Variants in EPN3 observed in about 807,000 individuals in gnomAD.
The protein encoded by EPN3 is epsin 3.
A neutral mutation model predicts 55.5 loss-of-function variants in EPN3; 56 were observed. That is an observed-to-expected ratio of 1.01 (90% CI 0.81 to 1.26). EPN3 has a LOEUF of 1.26. Ranked by LOEUF, EPN3 falls within the 50% of genes most tolerant of loss-of-function variation. The probability of loss-of-function intolerance (pLI) is 0.00; values close to 1 mark genes in which losing one functional copy is unlikely to be tolerated. For missense variants in EPN3, 927 were observed against 853.4 expected (o/e 1.09, Z -1.07); for synonymous variants, 449 against 375.2 (o/e 1.20, Z -2.27).
In EPN3 at chr17:50,536,537, C is replaced by G. The variant is rs993821938; in HGVS notation, c.-20C>G. 9 of 1,613,046 alleles carry G rather than the reference C, an allele frequency of 5.6e-6. No individual in the cohort carries two copies. The African/African-American group carries it at 1.1e-4, about 19-fold the overall frequency. On this transcript the variant is annotated 5_prime_UTR_variant, in exon 2 of 10. Transcript: ENST00000268933. The stretch of plus-strand genomic sequence containing the variant: ...CACCTCCGGCGGGGGCGAGGGCCAC[C>G]CACCTCCAAGTCTCCAGCCATGACG...
chr17:50,537,078 G>C lies in EPN3; in HGVS notation c.522G>C (p.Glu174Asp). 1 of 1,611,078 alleles carries C rather than the reference G, an allele frequency of 6.2e-7. No individual in the cohort carries two copies. Among genetic ancestry groups the C allele is most frequent in the Non-Finnish European group, 8.5e-7 (1 of 1,179,496 alleles). Residue 174 changes from glutamate to aspartate, a missense_variant, in exon 2 of 10, where the codon GAG becomes GAC. Transcript: ENST00000268933. ...TGGGCTTCAGCCGCCGCTACGGCGA[G>C]GACTACAGCCGCTCCCGGGGCTCCC... is the stretch of plus-strand genomic sequence containing the variant. The part of the protein sequence containing the change: ...GQLGFSRRYG[E>D]DYSRSRGSPS...
rs1032645113 is a variant in EPN3, at chr17:50,542,454, T to C, written c.*297T>C. The C allele has an allele frequency of 2.8e-6, 1 of 361,446 alleles. No individual in the cohort carries two copies. The highest frequency in any genetic ancestry group is 5.0e-6 in the Non-Finnish European group (1 of 201,602). The allele number at this position is 361,446 out of a possible 1,614,324, so 22.4% of individuals were successfully genotyped here. On this transcript the variant is annotated 3_prime_UTR_variant, in exon 10 of 10. Coordinates refer to ENST00000268933, the MANE Select transcript of EPN3 (RefSeq NM_017957.3). ...CACCGGCTGTTTAGGAAACTGCAGC[T>C]GCACAACGTGGGGTGCAAAACTGCC...
In EPN3 at chr17:50,540,776, T is replaced by C; in HGVS notation, c.980-17T>C. The C allele has an allele frequency of 6.3e-7, 1 of 1,598,422 alleles. No individual in the cohort carries two copies. ...AAGGGTGGGCCTGGGATCATGTCTA[T>C]GCTGTTCCCATTTCAGGTTTTAGGC... is the stretch of plus-strand genomic sequence containing the variant. On this transcript the variant is annotated splice_polypyrimidine_tract_variant and intron_variant, in intron 6 of 9. Coordinates refer to ENST00000268933, the MANE Select transcript of EPN3 (RefSeq NM_017957.3).
Position 50,542,110 on chromosome 17 carries a change from G to A in EPN3, c.1852G>A (p.Gly618Arg), listed in dbSNP as rs755483203. 15 of 1,539,472 alleles carry A rather than the reference G, an allele frequency of 9.7e-6. No homozygotes were observed. The highest frequency in any genetic ancestry group is 1.1e-5 in the Non-Finnish European group (13 of 1,153,168). ...GCTGCTGCCCACGCCGAGCTCAGCC[G>A]GGCCGCGGCCCCCGCCCCCGCAGAC... is the stretch of plus-strand genomic sequence containing the variant. Reference protein sequence around the residue: ...QPLLPTPSSAGPRPPPPQTGT... With the variant: ...QPLLPTPSSARPRPPPPQTGT... Residue 618 changes from glycine to arginine, a missense_variant, in exon 10 of 10, where the codon GGG becomes AGG. Physicochemically the swap from Gly to Arg is moderately radical, Grantham distance 125. Transcript: ENST00000268933.
At chr17:50,541,356 G>A in intron 8 of EPN3, 23 bp downstream of exon 8, 3 of 1,609,988 alleles carry the variant, frequency 1.9e-6, no homozygotes, top group Non-Finnish European at 2.5e-6. Context: ...AGGGGATGGT[G>A]AGGCTCTGGG....
At chr17:50,539,115 C>T in intron 4 of EPN3, 72 bp from the exon 5 acceptor site, 1 of 1,595,808 alleles carries the variant, frequency 6.3e-7, no homozygotes, top group Non-Finnish European at 8.5e-7. Context: ...TCGACTCCAG[C>T]CTCTGGTGCA....
chr17:50,538,710 A>C, intron 3 of EPN3, 174 bp from the exon 4 acceptor site: 1 of 515,352 alleles, frequency 1.9e-6, no homozygotes, highest in Non-Finnish European at 3.5e-6. Context: ...ACTGCATTTC[A>C]GATGCAGGCA....
rs2034842062 is a variant in EPN3, at chr17:50,541,074, G to A, written c.1249+12G>A. 1 of 1,572,386 alleles carries A rather than the reference G, an allele frequency of 6.4e-7. No homozygotes were observed. Among genetic ancestry groups the A allele is most frequent in the Non-Finnish European group, 8.6e-7 (1 of 1,161,078 alleles). On this transcript the variant is annotated intron_variant, in intron 7 of 9. Transcript: ENST00000268933. ...CTCCGACACACCTGGTAAGAAGAGG[G>A]CCAGAGAGTGTGAGTGAGGAGCTGG...
intron 9 of EPN3, 24 bp downstream of exon 9, chr17:50,541,718 A>G (rs1597864442): frequency 6.2e-7 from 1 of 1,610,100 alleles, no homozygotes; most frequent in South Asian, 1.1e-5. Flanking sequence ...TTGTCCCTCA[A>G]CCCAGGGGCT....
chr17:50,542,192 C>T lies in EPN3; in HGVS notation c.*35C>T, dbSNP rs1402047504. ...CGTCCCATACCGGCCTGCGCCTGCG[C>T]CGGACGCTCCGCGGCCCCGCCTCCG... On this transcript the variant is annotated 3_prime_UTR_variant, in exon 10 of 10. Coordinates refer to ENST00000268933, the MANE Select transcript of EPN3 (RefSeq NM_017957.3). 7.0e-7 allele frequency: 1 copy of T among 1,434,908 alleles called. No individual in the cohort carries two copies. The allele number at this position is 1,434,908 out of a possible 1,614,324, so 88.9% of individuals were successfully genotyped here.
Position 50,540,945 on chromosome 17 carries a change from G to C in EPN3, c.1132G>C (p.Val378Leu). The C allele has an allele frequency of 6.2e-7, 1 of 1,613,716 alleles. No individual in the cohort carries two copies. Among genetic ancestry groups the C allele is most frequent in the Non-Finnish European group, 8.5e-7 (1 of 1,179,956 alleles). ...CTCTGAGCCCTGGGGCAGGACCCCA[G>C]TGCTGCCTGCTGGGCCCCCCACCAC... ...SSSEPWGRTPVLPAGPPTTDP... is the reference protein window; with the variant it reads ...SSSEPWGRTPLLPAGPPTTDP... The change falls in exon 7 of 10, where the codon GTG becomes CTG. Residue 378 changes from valine (V) to leucine (L), a missense_variant. Physicochemically the swap from Val to Leu is conservative, Grantham distance 32. Transcript: ENST00000268933.
Position 50,532,924 on chromosome 17 carries a change from T to G in EPN3, c.-198T>G, listed in dbSNP as rs1334378274. 13 of 1,285,780 alleles carry G rather than the reference T, an allele frequency of 1.0e-5. No homozygotes were observed. The South Asian group carries it at 1.6e-4, about 16-fold the overall frequency. 79.6% of individuals were successfully genotyped at this position (1,285,780 alleles called of 1,614,324 possible). ...CTGTGCCGTCCCGCTGCTGCACAGGTCGGAGGGTCACCGCAGAGGCTACTC... is the reference window on the plus strand; with the variant it reads ...CTGTGCCGTCCCGCTGCTGCACAGGGCGGAGGGTCACCGCAGAGGCTACTC... On this transcript the variant is annotated 5_prime_UTR_variant, in exon 1 of 10. Coordinates refer to ENST00000268933, the MANE Select transcript of EPN3 (RefSeq NM_017957.3).
At chr17:50,540,090 T>C (rs1424888617) in intron 5 of EPN3, 157 bp from the exon 6 acceptor site, 1 of 516,206 alleles carries the variant, frequency 1.9e-6, no homozygotes, top group South Asian at 3.4e-5. Context: ...GAAGAAACAT[T>C]ATAAACTGTA....
intron 6 of EPN3, 86 bp from the exon 7 acceptor site, chr17:50,540,707 C>T (rs1191194490): frequency 1.3e-6 from 2 of 1,496,296 alleles, no homozygotes; most frequent in African/African-American, 2.8e-5. Flanking sequence ...TCTTCTGCCT[C>T]CCAACTTGGG....
In EPN3 at chr17:50,537,129, C is replaced by G. The variant is rs974039285; in HGVS notation, c.562+11C>G. ...CGTCCTCCTACAACTGTGAGTAAGC[C>G]CCGGTGTGTGGCTGGGATGGGGAGG... On this transcript the variant is annotated intron_variant, in intron 2 of 9. Coordinates refer to ENST00000268933, the MANE Select transcript of EPN3 (RefSeq NM_017957.3). 1.3e-6 allele frequency: 2 copies of G among 1,574,302 alleles called. No homozygotes were observed. The highest frequency in any genetic ancestry group is 2.7e-5 in the African/African-American group (2 of 74,202).
chr17:50,539,413 C>A, intron 5 of EPN3, 98 bp downstream of exon 5: 2 of 1,540,398 alleles, frequency 1.3e-6, no homozygotes, highest in East Asian at 2.3e-5. Context: ...ATATAGTAAG[C>A]ACTGATGTGT....
chr17:50,541,454 T>C lies in EPN3; in HGVS notation c.1355-10T>C. ...TTCCCCACCAATTAGCTCTAGCATT[T>C]CTATTCCAGAGCTGGACCTGTTTGG... On this transcript the variant is annotated splice_polypyrimidine_tract_variant and intron_variant, in intron 8 of 9. Transcript: ENST00000268933. 6.2e-7 allele frequency: 1 copy of C among 1,613,302 alleles called. No homozygotes were observed. Among genetic ancestry groups the C allele is most frequent in the Non-Finnish European group, 8.5e-7 (1 of 1,179,538 alleles).
rs9905497 is a variant in EPN3 at position 50,536,917 on chromosome 17, G to A, written c.361G>A (p.Val121Ile). The A allele has an allele frequency of 2.1e-3, 3,375 of 1,614,078 alleles. 45 individuals carry two copies. The African/African-American group carries it at 0.038, about 18-fold the overall frequency. Reference protein sequence around the residue: ...YIDRDGKDQGVNVREKVKQVM... With the variant: ...YIDRDGKDQGINVREKVKQVM... ...CGACCGCGACGGCAAGGACCAGGGC[G>A]TCAACGTGCGCGAGAAGGTCAAGCA... Residue 121 changes from valine (V) to isoleucine (I), a missense_variant, in exon 2 of 10, where the codon GTC becomes ATC. Val to Ile is a conservative substitution (Grantham distance 29). Transcript: ENST00000268933.
Position 50,538,907 on chromosome 17 carries a change from G to A in EPN3, c.705G>A (p.Arg235=). 2 of 1,607,996 alleles carry A rather than the reference G, an allele frequency of 1.2e-6. No homozygotes were observed. The highest frequency in any genetic ancestry group is 1.7e-6 in the Non-Finnish European group (2 of 1,176,058). ...AEKPVPPASH[R]DEDLQLQLAL... is the part of the protein sequence containing the mutation. ...AGCCTGTCCCCCCAGCCTCCCACAG[G>A]GACGAGGACCTGCAGCTGCAGCTGG... Residue 235 remains arginine (R), a synonymous_variant, in exon 4 of 10, where the codon AGG becomes AGA. Coordinates refer to ENST00000268933, the MANE Select transcript of EPN3 (RefSeq NM_017957.3).
Sources: allele counts gnomAD v4.1 joint callset, GRCh38; gene constraint gnomAD v4.1.1; transcripts MANE v1.5; gene names NCBI Gene and HGNC (gene_info 2026-07-23, HGNC 2026-07-21).